The following PURG variants were observed in gnomAD, a reference collection of about 807,000 sequenced individuals.
PURG encodes purine rich element binding protein G, also known as purine-rich element-binding protein gamma.
A neutral mutation model predicts 24.3 loss-of-function variants in PURG; 3 were observed. The ratio of observed to expected loss-of-function variants is 0.12; its 90% CI spans 0.06 to 0.32. The LOEUF (loss-of-function observed/expected upper bound fraction) is 0.32, where lower values mean the gene tolerates loss of function less well. Among genes scored for constraint, PURG ranks in the 10% least tolerant of loss-of-function variants. The probability of loss-of-function intolerance (pLI) is 1.00; values close to 1 mark genes in which losing one functional copy is unlikely to be tolerated. For missense variants in PURG, 371 were observed against 439.1 expected (o/e 0.84, Z 1.39); for synonymous variants, 180 against 173.1 (o/e 1.04, Z -0.31).
intron 1 of PURG, among the ~76,000 whole-genome samples, chr8:31,014,897 C>T (rs1158369736): frequency 2.0e-5 from 3 of 152,144 alleles, no homozygotes; most frequent in Admixed American, 2.0e-4. Flanking sequence ...GCTTACCTCC[C>T]CCTGTAAATC....
At chr8:31,019,413 A>G (rs1810949171) in intron 1 of PURG, among the ~76,000 whole-genome samples, 1 of 136,782 alleles carries the variant, frequency 7.3e-6, no homozygotes, top group Admixed American at 8.0e-5. Context: ...GGCTCACTGC[A>G]ATCTCCACTT....
At chr8:31,003,595 C>G (rs1005338985) in intron 1 of PURG, among the ~76,000 whole-genome samples, 9 of 152,022 alleles carry the variant, frequency 5.9e-5, no homozygotes, top group Admixed American at 5.9e-4. Flanking sequence ...AACCCTATCT[C>G]TACTAAAAAT....
chr8:31,002,381 C>G (rs1245914554), intron 1 of PURG, among the ~76,000 whole-genome samples: 1 of 151,664 alleles, frequency 6.6e-6, no homozygotes, highest in Non-Finnish European at 1.5e-5. Context: ...TAGTTAAATC[C>G]CAAAAGTTTG....
chr8:31,005,346 T>C (rs1329233771), intron 1 of PURG, among the ~76,000 whole-genome samples: 4 of 151,732 alleles, frequency 2.6e-5, no homozygotes, highest in African/African-American at 9.7e-5. Context: ...GGCATGAGAA[T>C]TGCTTAAAGC....
chr8:31,017,578 C>T (rs1292359752), intron 1 of PURG, among the ~76,000 whole-genome samples: 1 of 152,128 alleles, frequency 6.6e-6, no homozygotes, highest in East Asian at 1.9e-4. Flanking sequence ...CTACTATTTG[C>T]CCACTTGAAA....
chr8:31,030,589 T>A (rs1248836072), downstream of PURG, among the ~76,000 whole-genome samples: 2 of 151,926 alleles, frequency 1.3e-5, no homozygotes, highest in Non-Finnish European at 2.9e-5. Context: ...AATATATTTA[T>A]AACCAATCTT....
rs139033478 is a variant in PURG at position 31,006,874 on chromosome 8, A to G, written c.865-10177T>C. ...CTTCTAACTCAACATTACACATTCA[A>G]TATGGTTAAAAAGGAAAAGCATAGG... On this transcript the variant is annotated intron_variant, in intron 1 of 1. Transcript: ENST00000339382. 1.9e-3 allele frequency among the ~76,000 whole-genome samples: 291 copies of G among 152,322 alleles called. 1 individual carries two copies. The highest frequency in any genetic ancestry group is 6.8e-3 in the African/African-American group (281 of 41,578).
chr8:31,003,308 T>C (rs1471951707), intron 1 of PURG, among the ~76,000 whole-genome samples: 1 of 152,158 alleles, frequency 6.6e-6, no homozygotes, highest in South Asian at 2.1e-4. Context: ...GAGAAATATT[T>C]CAAGAACGGG....
At chr8:31,021,971 CTTTT>C (rs1011753786) in intron 1 of PURG, among the ~76,000 whole-genome samples, 1 of 136,926 alleles carries the variant, frequency 7.3e-6, no homozygotes. Flanking sequence ...TCATTTCTTT[CTTTT>C]TTTTTTTTTT....
chr8:31,017,406 G>A (rs1325995404), intron 1 of PURG, among the ~76,000 whole-genome samples: 1 of 123,052 alleles, frequency 8.1e-6, no homozygotes, highest in East Asian at 3.6e-4. Flanking sequence ...CTCTCTATAA[G>A]AGATTATATA....
intron 1 of PURG, among the ~76,000 whole-genome samples, chr8:31,021,783 T>C (rs1810994990): frequency 6.6e-6 from 1 of 152,130 alleles, no homozygotes; most frequent in African/African-American, 2.4e-5. Context: ...AAAATGGGGA[T>C]AATAGGGTTG....
At chr8:31,002,320 T>C (rs16877636) in intron 1 of PURG, among the ~76,000 whole-genome samples, 4,518 of 152,300 alleles carry the variant, frequency 0.03, 213 homozygotes, top group African/African-American at 0.1. Context: ...CTTCCTCTGA[T>C]AAGATGGGAA....
chr8:31,007,821 A>G (rs1426656870), intron 1 of PURG, among the ~76,000 whole-genome samples: 1 of 152,200 alleles, frequency 6.6e-6, no homozygotes, highest in African/African-American at 2.4e-5. Flanking sequence ...CAAACAGCCT[A>G]ATGATTCTCT....
chr8:31,006,220 TC>T (rs1810647992), intron 1 of PURG, among the ~76,000 whole-genome samples: 1 of 152,182 alleles, frequency 6.6e-6, no homozygotes, highest in African/African-American at 2.4e-5. Flanking sequence ...GTGAGAAAAT[TC>T]TATTGGTTTT....
At chr8:31,016,428 A>G (rs1810865679) in intron 1 of PURG, among the ~76,000 whole-genome samples, 1 of 151,364 alleles carries the variant, frequency 6.6e-6, no homozygotes, top group Admixed American at 6.6e-5. Flanking sequence ...AGATAAATAA[A>G]TAAATAAAAT....
chr8:31,020,713 A>G (rs1015218164), intron 1 of PURG, among the ~76,000 whole-genome samples: 1 of 152,224 alleles, frequency 6.6e-6, no homozygotes, highest in African/African-American at 2.4e-5. Context: ...AAGGCAGAAG[A>G]AGGAGTAGCT....
intron 1 of PURG, among the ~76,000 whole-genome samples, chr8:31,017,520 A>G (rs1253768910): frequency 6.6e-6 from 1 of 152,168 alleles, no homozygotes; most frequent in Non-Finnish European, 1.5e-5. Flanking sequence ...TATAGTTTAT[A>G]GATGTTTGTG....
intron 1 of PURG, among the ~76,000 whole-genome samples, chr8:31,002,990 G>C (rs192851668): frequency 1.6e-4 from 24 of 152,266 alleles, no homozygotes; most frequent in Admixed American, 1.5e-3. Flanking sequence ...TATCAATCTT[G>C]AGAAGATATA....
chr8:31,007,119 C>G (rs762776521), intron 1 of PURG, among the ~76,000 whole-genome samples: 1 of 151,976 alleles, frequency 6.6e-6, no homozygotes, highest in Non-Finnish European at 1.5e-5. Context: ...CTAGAATGAA[C>G]AATAAAAAGT....
Sources: gnomAD v4.1 joint callset for allele counts (sites outside exome capture counted in the v4.1 genomes callset) on GRCh38, gnomAD v4.1.1 for gene constraint, MANE v1.5 for transcripts, NCBI Gene and HGNC (gene_info 2026-07-23, HGNC 2026-07-21) for gene names.